The following ELSPBP1 variants were observed in gnomAD, a reference collection of about 807,000 sequenced individuals.
ELSPBP1 encodes epididymal sperm-binding protein 1.
ELSPBP1 carries 38 observed loss-of-function variants against 33.3 expected under a neutral mutation model. That is an observed-to-expected ratio of 1.14 (90% CI 0.88 to 1.50). The LOEUF (loss-of-function observed/expected upper bound fraction) is 1.50. Among genes scored for constraint, ELSPBP1 ranks in the 40% most tolerant of loss-of-function variants. The probability of loss-of-function intolerance (pLI) is 0.00; values close to 1 mark genes in which losing one functional copy is unlikely to be tolerated. For missense variants in ELSPBP1, 267 were observed against 263.5 expected (o/e 1.01, Z -0.09); for synonymous variants, 85 against 94.1 (o/e 0.90, Z 0.56).
chr19:47,996,082 T>C (rs1466597184), intron 1 of ELSPBP1, among the ~76,000 whole-genome samples: 1 of 152,194 alleles, frequency 6.6e-6, no homozygotes, highest in African/African-American at 2.4e-5. Flanking sequence ...TCATATCTGG[T>C]TCCTCTTGGT....
At chr19:48,012,951 C>T (rs922754353) in intron 2 of ELSPBP1, among the ~76,000 whole-genome samples, 5 of 152,080 alleles carry the variant, frequency 3.3e-5, no homozygotes, top group African/African-American at 7.2e-5. Context: ...GACTATCGTC[C>T]GAATAAAGCT....
intron 2 of ELSPBP1, among the ~76,000 whole-genome samples, chr19:48,010,351 G>T (rs2122310083): frequency 6.6e-6 from 1 of 152,222 alleles, no homozygotes; most frequent in South Asian, 2.1e-4. Context: ...CCACATACTT[G>T]TGGTGAAACT....
intron 6 of ELSPBP1, among the ~76,000 whole-genome samples, chr19:48,024,506 A>T (rs1220644964): frequency 1.3e-5 from 2 of 152,190 alleles, no homozygotes; most frequent in Admixed American, 6.5e-5. Context: ...TATGGATGAC[A>T]CTAAATTAGC....
At position 48,014,236 on chromosome 19, in the gene ELSPBP1, A is replaced by G. The variant is rs1232857284; in HGVS notation, c.136A>G (p.Ile46Val). ...KGSVYFTCTHIHSLSPWCATR... is the reference protein window; with the variant it reads ...KGSVYFTCTHVHSLSPWCATR... ...ATCTGTTTACTTCACTTGCACCCAT[A>G]TTCATAGCTTATCCCCTTGGTGTGC... is the stretch of plus-strand genomic sequence containing the variant. Residue 46 changes from isoleucine (I) to valine (V), a missense_variant, in exon 3 of 7, where the codon ATT becomes GTT. Physicochemically the swap from Ile to Val is conservative, Grantham distance 29. Transcript: ENST00000339841. 1.2e-5 allele frequency: 20 copies of G among 1,613,662 alleles called. No homozygotes were observed. The highest frequency in any genetic ancestry group is 1.7e-5 in the Non-Finnish European group (20 of 1,179,942).
At chr19:48,010,919 T>C (rs549393595) in intron 2 of ELSPBP1, among the ~76,000 whole-genome samples, 2 of 152,320 alleles carry the variant, frequency 1.3e-5, no homozygotes, top group Admixed American at 1.3e-4. Flanking sequence ...TAATTCCACC[T>C]ACAGGGGCAT....
At chr19:48,010,253 T>A (rs890743896) in intron 2 of ELSPBP1, among the ~76,000 whole-genome samples, 2 of 152,156 alleles carry the variant, frequency 1.3e-5, no homozygotes, top group Non-Finnish European at 2.9e-5. Flanking sequence ...GAACTCACAG[T>A]TTATTCAGAC....
chr19:48,015,580 C>T (rs181275977), intron 3 of ELSPBP1, among the ~76,000 whole-genome samples: 476 of 152,210 alleles, frequency 3.1e-3, no homozygotes, highest in Non-Finnish European at 5.2e-3. Flanking sequence ...ATTGCTTGAA[C>T]CCAAGAGGCA....
intron 5 of ELSPBP1, 75 bp downstream of exon 5, chr19:48,019,952 C>A: frequency 6.7e-7 from 1 of 1,499,844 alleles, no homozygotes; most frequent in Non-Finnish European, 9.0e-7. Flanking sequence ...CCTCCTGAAA[C>A]CCCACTGTGA....
At chr19:48,022,029 C>T (rs543464563) in intron 5 of ELSPBP1, 141 bp from the exon 6 acceptor site, 18 of 722,654 alleles carry the variant, frequency 2.5e-5, no homozygotes, top group Admixed American at 8.1e-5. Context: ...ATTAAATGCG[C>T]GCGATTAAAT....
chr19:48,012,800 A>G (rs192742839), intron 2 of ELSPBP1, among the ~76,000 whole-genome samples: 225 of 152,256 alleles, frequency 1.5e-3, no homozygotes, highest in Admixed American at 3.9e-3. Context: ...ACTTTTCTTC[A>G]CTTTAAAAAA....
Position 48,008,728 on chromosome 19 carries a change from T to C in ELSPBP1, c.61T>C (p.Ser21Pro). 1 of 1,613,250 alleles carries C rather than the reference T, an allele frequency of 6.2e-7. No individual in the cohort carries two copies. The highest frequency in any genetic ancestry group is 8.5e-7 in the Non-Finnish European group (1 of 1,179,620). The change falls in exon 2 of 7, where the codon TCA becomes CCA. Residue 21 changes from serine (S) to proline (P), a missense_variant. Ser to Pro is a moderately conservative substitution (Grantham distance 74). Transcript: ENST00000339841. The stretch of plus-strand genomic sequence containing the variant: ...AACCTTCCTTCTCTATTCCTATGAG[T>C]CAAGTGGAGGTAAGGACACTCAAAG... Reference protein sequence around the residue: ...WTTFLLYSYESSGGMHEECVF... With the variant: ...WTTFLLYSYEPSGGMHEECVF...
intron 1 of ELSPBP1, among the ~76,000 whole-genome samples, chr19:47,997,105 A>G (rs769818645): frequency 1.3e-5 from 2 of 152,188 alleles, no homozygotes; most frequent in Non-Finnish European, 2.9e-5. Context: ...AAACATCCAC[A>G]CAGGTTTTTA....
chr19:48,006,966 T>C (rs532105824), intron 1 of ELSPBP1, among the ~76,000 whole-genome samples: 2 of 152,292 alleles, frequency 1.3e-5, no homozygotes, highest in African/African-American at 4.8e-5. Flanking sequence ...GCGTGTTGTG[T>C]GGCTCAGATA....
At chr19:48,021,542 C>G (rs947942896) in intron 5 of ELSPBP1, among the ~76,000 whole-genome samples, 2 of 151,842 alleles carry the variant, frequency 1.3e-5, no homozygotes, top group African/African-American at 4.8e-5. Context: ...TGGGTTCAAG[C>G]GATTCTTCTG....
At chr19:48,006,556 G>A (rs1034468367) in intron 1 of ELSPBP1, among the ~76,000 whole-genome samples, 8 of 147,728 alleles carry the variant, frequency 5.4e-5, no homozygotes, top group African/African-American at 1.0e-4. Flanking sequence ...GGAGGTTGCC[G>A]TGAGCTGAGG....
At chr19:48,001,602 G>GGTGGCT (rs1966968628) in intron 1 of ELSPBP1, among the ~76,000 whole-genome samples, 1 of 151,866 alleles carries the variant, frequency 6.6e-6, no homozygotes. Context: ...TGTCACCCAG[G>GGTGGCT]CTGGATCATA....
In ELSPBP1 at chr19:48,008,719, T is replaced by G. The variant is rs771751209; in HGVS notation, c.52T>G (p.Ser18Ala). 18 of 1,613,716 alleles carry G rather than the reference T, an allele frequency of 1.1e-5. 1 individual carries two copies. The highest frequency in any genetic ancestry group is 3.3e-5 in the Admixed American group (2 of 59,966). Residue 18 changes from serine to alanine, a missense_variant, in exon 2 of 7, where the codon TCC (serine) becomes GCC (alanine). Ser to Ala is a moderately conservative substitution (Grantham distance 99, BLOSUM62 1). Coordinates refer to ENST00000339841, the MANE Select transcript of ELSPBP1 (RefSeq NM_022142.5). The part of the protein sequence containing the change: ...LLGWTTFLLY[S>A]YESSGGMHEE... ...GGGATGGACAACCTTCCTTCTCTAT[T>G]CCTATGAGTCAAGTGGAGGTAAGGA...
intron 1 of ELSPBP1, among the ~76,000 whole-genome samples, chr19:48,001,373 T>A (rs2099051): frequency 1.3e-5 from 2 of 150,618 alleles, no homozygotes; most frequent in South Asian, 2.1e-4. Flanking sequence ...AGTAGAGACG[T>A]GGTTTCACCA....
chr19:48,016,029 T>A lies in ELSPBP1; in HGVS notation c.345T>A (p.Cys115Ter). Residue 115 changes from cysteine (C) to a stop codon, truncating the protein, a stop_gained, in exon 4 of 7, where the codon TGT (cysteine) becomes TGA (stop). Coordinates refer to ENST00000339841, the MANE Select transcript of ELSPBP1 (RefSeq NM_022142.5). LOFTEE classifies it high-confidence loss of function. ...VFDEKQQWKFCETNEYGGNSL... is the reference protein window; with the variant it reads ...VFDEKQQWKF ...ATGAGAAACAGCAGTGGAAATTCTG[T>A]GAAACGAATGGTGAGCCCCTGTAGC... 1 of 1,613,204 alleles carries A rather than the reference T, an allele frequency of 6.2e-7. No individual in the cohort carries two copies. Among genetic ancestry groups the A allele is most frequent in the Non-Finnish European group, 8.5e-7 (1 of 1,179,846 alleles).
Sources: allele counts gnomAD v4.1 joint callset (sites outside exome capture counted in the v4.1 genomes callset), GRCh38; gene constraint gnomAD v4.1.1; transcripts MANE v1.5; gene names NCBI Gene and HGNC (gene_info 2026-07-23, HGNC 2026-07-21).